The following BRINP1 variants were observed in gnomAD, a reference collection of about 807,000 sequenced individuals.
BRINP1 encodes BMP/retinoic acid inducible neural specific 1.
In BRINP1, 17 loss-of-function variants were observed where a neutral mutation model predicts 72.9. The ratio of observed to expected loss-of-function variants is 0.23; its 90% confidence interval spans 0.16 to 0.35. The LOEUF is 0.35. Ranked by LOEUF, BRINP1 falls within the 10% of genes least tolerant of loss-of-function variation. BRINP1 has a pLI of 1.00. For synonymous variants in BRINP1, 418 were observed against 378.5 expected (o/e 1.10, Z -1.21); for missense variants, 850 against 1,001.6 (o/e 0.85, Z 2.04).
intron 5 of BRINP1, among the ~76,000 whole-genome samples, chr9:119,223,020 CCTT>C (rs1049843474): frequency 8.5e-5 from 13 of 152,074 alleles, no homozygotes; most frequent in African/African-American, 3.1e-4. Context: ...TACCCATCTC[CCTT>C]CTTTTTCTTG....
Position 119,168,074 on chromosome 9 carries a change from C to T in BRINP1, c.1296G>A (p.Gly432=). ...GGCTGCACATGGCGCAGCTGTTGTT[C>T]CCGCCTATCACGCAGGGGATGGGGC... ...CQRPIPCVIG[G]NNSCAMCSLA... is the part of the protein sequence containing the mutation. Residue 432 remains glycine (G), a synonymous_variant, in exon 8 of 8, where the codon GGG becomes GGA. Transcript: ENST00000265922. The T allele has an allele frequency of 6.2e-7, 1 of 1,610,354 alleles. No individual in the cohort carries two copies. Among genetic ancestry groups the T allele is most frequent in the Admixed American group, 1.7e-5 (1 of 59,660 alleles).
At chr9:119,347,182 A>G (rs1831460644) in intron 1 of BRINP1, among the ~76,000 whole-genome samples, 1 of 152,122 alleles carries the variant, frequency 6.6e-6, no homozygotes, top group Non-Finnish European at 1.5e-5. Flanking sequence ...CTCAAGAATA[A>G]TTGCAATCTG....
chr9:119,207,978 G>A (rs567137287), intron 7 of BRINP1, among the ~76,000 whole-genome samples: 1 of 152,260 alleles, frequency 6.6e-6, no homozygotes, highest in Non-Finnish European at 1.5e-5. Context: ...GATCAGAAAT[G>A]CCCCGGAAGA....
intron 7 of BRINP1, among the ~76,000 whole-genome samples, chr9:119,191,035 CA>C (rs998814702): frequency 2.6e-5 from 4 of 151,872 alleles, no homozygotes; most frequent in African/African-American, 9.7e-5. Flanking sequence ...AGATTAAAAT[CA>C]TAAGATCACC....
At chr9:119,268,284 ATAGATAGATAG>A (rs1830573541) in intron 2 of BRINP1, among the ~76,000 whole-genome samples, 1 of 150,434 alleles carries the variant, frequency 6.6e-6, no homozygotes, top group Non-Finnish European at 1.5e-5. Flanking sequence ...AGATAGATAG[ATAGATAGATAG>A]ATAGATAAAA....
At chr9:119,271,590 G>A (rs1189888242) in intron 2 of BRINP1, among the ~76,000 whole-genome samples, 1 of 151,794 alleles carries the variant, frequency 6.6e-6, no homozygotes. Context: ...GAAGAAACAT[G>A]CCAAAATATT....
chr9:119,224,643 TC>T (rs1588169592), intron 5 of BRINP1, among the ~76,000 whole-genome samples: 1 of 152,088 alleles, frequency 6.6e-6, no homozygotes, highest in African/African-American at 2.4e-5. Context: ...TTGGCTCTGC[TC>T]CAGATGTCTT....
chr9:119,216,404 G>A (rs1340441944), intron 5 of BRINP1, among the ~76,000 whole-genome samples: 2 of 152,180 alleles, frequency 1.3e-5, no homozygotes, highest in African/African-American at 2.4e-5. Flanking sequence ...GTCCGTATGG[G>A]TTTGAGTGAC....
At position 119,168,033 on chromosome 9, in the gene BRINP1, A is replaced by G; in HGVS notation, c.1337T>C (p.Leu446Pro). The G allele has an allele frequency of 6.2e-7, 1 of 1,612,802 alleles. No individual in the cohort carries two copies. The highest frequency in any genetic ancestry group is 8.5e-7 in the Non-Finnish European group (1 of 1,178,980). ...GTAGCCCTTGTTGCAGGAGCCGCAG[A>G]GGGAGATGTTGGCCAGGCTGCACAT... ...CAMCSLANISLCGSCNKGYKL... is the reference protein window; with the variant it reads ...CAMCSLANISPCGSCNKGYKL... The change falls in exon 8 of 8, where the codon CTC becomes CCC. Residue 446 changes from leucine (L) to proline (P), a missense_variant. Transcript: ENST00000265922.
chr9:119,362,535 A>T (rs1356246371), intron 1 of BRINP1, among the ~76,000 whole-genome samples: 1 of 152,216 alleles, frequency 6.6e-6, no homozygotes, highest in African/African-American at 2.4e-5. Flanking sequence ...AGCAAGATTC[A>T]TCACCATACC....
chr9:119,237,376 T>TATTATTATTATTA (rs71266584), intron 5 of BRINP1, among the ~76,000 whole-genome samples: 8 of 148,682 alleles, frequency 5.4e-5, no homozygotes, highest in South Asian at 2.1e-4. Flanking sequence ...TTATTATTAT[T>TATTATTATTATTA]TTGAGGTGGA....
chr9:119,173,629 T>G (rs1208879999), intron 7 of BRINP1, among the ~76,000 whole-genome samples: 2 of 150,354 alleles, frequency 1.3e-5, no homozygotes, highest in Non-Finnish European at 3.0e-5. Flanking sequence ...TTCACAGAAT[T>G]GGAAAAAACT....
At chr9:119,172,394 A>G (rs1829424592) in intron 7 of BRINP1, among the ~76,000 whole-genome samples, 1 of 152,236 alleles carries the variant, frequency 6.6e-6, no homozygotes, top group South Asian at 2.1e-4. Context: ...AAATGGATAA[A>G]TTCCTCCACA....
intron 7 of BRINP1, among the ~76,000 whole-genome samples, chr9:119,195,529 A>G (rs1829729174): frequency 6.6e-6 from 1 of 152,226 alleles, no homozygotes; most frequent in African/African-American, 2.4e-5. Flanking sequence ...GCCCTTTGCA[A>G]ACTTTAAAGT....
chr9:119,211,358 C>A (rs185242929), intron 6 of BRINP1, among the ~76,000 whole-genome samples: 4 of 152,116 alleles, frequency 2.6e-5, no homozygotes, highest in Non-Finnish European at 4.4e-5. Context: ...CCGCCACACC[C>A]GGCTAATTTT....
intron 1 of BRINP1, 48 bp downstream of exon 1, chr9:119,369,008 G>C (rs1434782155): frequency 5.1e-6 from 2 of 391,800 alleles, no homozygotes; most frequent in Non-Finnish European, 9.0e-6. Flanking sequence ...CCGGGGCCGG[G>C]TCCAAGGGCA....
At chr9:119,194,581 T>C (rs1343399834) in intron 7 of BRINP1, among the ~76,000 whole-genome samples, 1 of 152,220 alleles carries the variant, frequency 6.6e-6, no homozygotes, top group African/African-American at 2.4e-5. Context: ...TGGAGAAGTC[T>C]GAAGTGTGAG....
intron 7 of BRINP1, among the ~76,000 whole-genome samples, chr9:119,178,506 C>CCTAT (rs1588155521): frequency 6.6e-6 from 1 of 152,206 alleles, no homozygotes; most frequent in Non-Finnish European, 1.5e-5. Context: ...CTATACCTCC[C>CCTAT]CTATCTCCAG....
At chr9:119,342,052 G>A (rs1181892739) in intron 1 of BRINP1, among the ~76,000 whole-genome samples, 3 of 152,050 alleles carry the variant, frequency 2.0e-5, no homozygotes, top group South Asian at 2.1e-4. Context: ...ACAGGCATGA[G>A]CCACCGCACC....
Sources: allele counts gnomAD v4.1 joint callset (sites outside exome capture counted in the v4.1 genomes callset), GRCh38; gene constraint gnomAD v4.1.1; transcripts MANE v1.5; gene names NCBI Gene and HGNC (gene_info 2026-07-23, HGNC 2026-07-21).